Variants in MIER1 observed in about 807,000 individuals in gnomAD.
MIER1 encodes MIER1 transcriptional regulator, also known as mesoderm induction early response protein 1.
A neutral mutation model predicts 75.7 loss-of-function variants in MIER1; 40 were observed. The ratio of observed to expected loss-of-function variants is 0.53; its 90% CI spans 0.41 to 0.69. MIER1 has a LOEUF of 0.69. Among genes scored for constraint, MIER1 ranks in the 30% least tolerant of loss-of-function variants. The pLI, the probability that MIER1 is intolerant of heterozygous loss-of-function variation, is 0.00. For missense variants in MIER1, 574 were observed against 680.2 expected (o/e 0.84, Z 1.74); for synonymous variants, 213 against 223.4 (o/e 0.95, Z 0.42).
At chr1:66,942,717 AAG>A (rs1313708393) in intron 3 of MIER1, among the ~76,000 whole-genome samples, 2 of 152,226 alleles carry the variant, frequency 1.3e-5, no homozygotes, top group Non-Finnish European at 2.9e-5. Context: ...AGATTAAGGA[AAG>A]AGAAAAACTG....
intron 2 of MIER1, among the ~76,000 whole-genome samples, chr1:66,931,907 A>T (rs1326377668): frequency 6.6e-6 from 1 of 152,198 alleles, no homozygotes; most frequent in Non-Finnish European, 1.5e-5. Flanking sequence ...AATGTGCTAC[A>T]TAGGTAATGT....
chr1:66,968,070 TAA>T (rs1662792032), intron 8 of MIER1, among the ~76,000 whole-genome samples: 1 of 152,206 alleles, frequency 6.6e-6, no homozygotes, highest in Non-Finnish European at 1.5e-5. Flanking sequence ...TTTTAGAAAG[TAA>T]TTATGCATAT....
chr1:66,947,595 T>C (rs2101530162), intron 4 of MIER1: 1 of 152,368 alleles, frequency 6.6e-6, no homozygotes, highest in East Asian at 1.9e-4. Flanking sequence ...CCTAGGCTAT[T>C]GCAGTAGCTT....
intron 3 of MIER1, among the ~76,000 whole-genome samples, chr1:66,945,396 T>TA (rs1272182208): frequency 6.6e-6 from 1 of 151,816 alleles, no homozygotes; most frequent in African/African-American, 2.4e-5. Context: ...AAAACGCCTG[T>TA]ACGTGTTGAA....
At chr1:66,928,656 A>G (rs1652390942) in intron 2 of MIER1, among the ~76,000 whole-genome samples, 1 of 152,184 alleles carries the variant, frequency 6.6e-6, no homozygotes. Context: ...TTAAAAAGTC[A>G]TTTTTATTTC....
intron 3 of MIER1, among the ~76,000 whole-genome samples, chr1:66,943,007 A>T (rs960107091): frequency 1.3e-5 from 2 of 152,206 alleles, no homozygotes; most frequent in African/African-American, 4.8e-5. Flanking sequence ...TTTTGATAAT[A>T]CCTGTGTCTA....
chr1:66,964,029 G>A (rs1661807009), intron 8 of MIER1, among the ~76,000 whole-genome samples: 1 of 151,018 alleles, frequency 6.6e-6, no homozygotes, highest in Admixed American at 6.6e-5. Flanking sequence ...TCATTTGAAA[G>A]TCCTGAAGTA....
intron 8 of MIER1, among the ~76,000 whole-genome samples, chr1:66,966,998 A>G (rs962061016): frequency 2.6e-5 from 4 of 152,072 alleles, no homozygotes; most frequent in Non-Finnish European, 5.9e-5. Context: ...GCTGTGCAAA[A>G]GCTTGTTAAC....
chr1:66,981,035 T>C (rs1366254332), intron 12 of MIER1, among the ~76,000 whole-genome samples: 1 of 152,118 alleles, frequency 6.6e-6, no homozygotes, highest in African/African-American at 2.4e-5. Context: ...AGTAGCACTT[T>C]TTGGATTATG....
At chr1:66,973,087 G>C in intron 11 of MIER1, 96 bp downstream of exon 11, 1 of 648,356 alleles carries the variant, frequency 1.5e-6, no homozygotes, top group Non-Finnish European at 2.7e-6. Flanking sequence ...AGTGTTAAAG[G>C]TTTCATAATT....
intron 8 of MIER1, among the ~76,000 whole-genome samples, chr1:66,970,425 T>C (rs1663363580): frequency 6.6e-6 from 1 of 152,188 alleles, no homozygotes; most frequent in African/African-American, 2.4e-5. Context: ...TGTAAAGTGC[T>C]TTAAATCCTT....
rs1667031410 is a variant in MIER1, at chr1:66,988,285, A to G, written c.*3385A>G. On this transcript the variant is annotated 3_prime_UTR_variant, in exon 14 of 14. Coordinates refer to ENST00000401041, the MANE Select transcript of MIER1 (RefSeq NM_001077700.3). ...CTTCTCTCAAAATGACTTTTTCTGT[A>G]TCACATAATTCTACTGATACAACTT... The G allele has an allele frequency of 6.6e-6, 1 of 152,350 alleles. No individual in the cohort carries two copies. Among genetic ancestry groups the G allele is most frequent in the African/African-American group, 2.4e-5 (1 of 41,454 alleles). 9.4% of individuals were successfully genotyped at this position (152,350 alleles called of 1,614,324 possible). A position where few individuals can be genotyped will look rare whatever the true frequency, so the allele number is the denominator to read the frequency against.
chr1:66,946,320 A>G (rs1323389643), intron 4 of MIER1, 25 bp downstream of exon 4: 5 of 1,553,472 alleles, frequency 3.2e-6, no homozygotes, highest in East Asian at 2.4e-5. Flanking sequence ...GAGCTAGGGT[A>G]TGAATTGGTT....
chr1:66,967,179 T>C (rs1459631767), intron 8 of MIER1, among the ~76,000 whole-genome samples: 3 of 152,174 alleles, frequency 2.0e-5, no homozygotes, highest in African/African-American at 7.2e-5. Flanking sequence ...TTTTGGTTTT[T>C]GTGTGTGACA....
intron 3 of MIER1, among the ~76,000 whole-genome samples, chr1:66,944,724 T>A (rs112681094): frequency 0.021 from 3,218 of 152,090 alleles, 50 homozygotes; most frequent in Non-Finnish European, 0.034. Flanking sequence ...GATTTTTTTT[T>A]ATTTATTTTT....
At position 66,945,304 on chromosome 1, in the gene MIER1, TATATATATATATAA is replaced by T. The variant is rs1368767192; in HGVS notation, c.194-844_194-831del. On this transcript the variant is annotated intron_variant, in intron 3 of 13. Coordinates refer to ENST00000401041, the MANE Select transcript of MIER1 (RefSeq NM_001077700.3). ...ATATATATATATATATATATATATATATATATATATATAAAATACCTAATATAGGTAAATGCTAT... is the reference window on the plus strand; with the variant it reads ...ATATATATATATATATATATATATATAATACCTAATATAGGTAAATGCTAT... 3.6e-4 allele frequency among the ~76,000 whole-genome samples: 49 copies of T among 136,720 alleles called. 1 individual carries two copies. Among genetic ancestry groups the T allele is most frequent in the African/African-American group, 5.2e-4 (17 of 32,960 alleles). 89.7% of individuals were successfully genotyped at this position (136,720 alleles called of 152,430 possible).
At chr1:66,952,876 C>T (rs759476929) in intron 4 of MIER1, among the ~76,000 whole-genome samples, 4 of 152,190 alleles carry the variant, frequency 2.6e-5, no homozygotes, top group Non-Finnish European at 4.4e-5. Context: ...AACTCCTGAG[C>T]TCAAGTGATC....
intron 13 of MIER1, among the ~76,000 whole-genome samples, chr1:66,984,290 C>T (rs1206701320): frequency 6.6e-6 from 1 of 152,198 alleles, no homozygotes; most frequent in Non-Finnish European, 1.5e-5. Flanking sequence ...ATGCCAAATT[C>T]TGTTCTTAGT....
At chr1:66,968,152 G>T (rs1425703254) in intron 8 of MIER1, among the ~76,000 whole-genome samples, 1 of 152,118 alleles carries the variant, frequency 6.6e-6, no homozygotes, top group Non-Finnish European at 1.5e-5. Flanking sequence ...ATTAGTTTGT[G>T]TAAGGAGGAT....
Sources: allele counts gnomAD v4.1 joint callset (sites outside exome capture counted in the v4.1 genomes callset), GRCh38; gene constraint gnomAD v4.1.1; transcripts MANE v1.5; gene names NCBI Gene and HGNC (gene_info 2026-07-23, HGNC 2026-07-21).